TMCO4: variants seen among roughly 807,000 people sequenced by gnomAD.
TMCO4 encodes the protein transmembrane and coiled-coil domains 4.
TMCO4 carries 58 observed loss-of-function variants against 64.7 expected under a neutral mutation model. The ratio of observed to expected loss-of-function variants is 0.90; its 90% CI spans 0.73 to 1.12. The LOEUF is 1.12. TMCO4 is among the 50% of genes most tolerant of loss of function. The pLI is 0.00. For missense variants in TMCO4, 780 were observed against 825.9 expected (o/e 0.94, Z 0.68); for synonymous variants, 325 against 346.1 (o/e 0.94, Z 0.68).
chr1:19,766,926 T>C (rs1004018098), intron 6 of TMCO4, among the ~76,000 whole-genome samples: 2 of 152,178 alleles, frequency 1.3e-5, no homozygotes, highest in African/African-American at 2.4e-5. Context: ...CTCTGATCTC[T>C]GGGGACCTTT....
chr1:19,707,899 A>G (rs1461502385), intron 13 of TMCO4, among the ~76,000 whole-genome samples: 1 of 152,156 alleles, frequency 6.6e-6, no homozygotes, highest in African/African-American at 2.4e-5. Context: ...GAGAGAGTGA[A>G]GGGGAAGTGT....
chr1:19,724,279 T>A (rs138787142), intron 13 of TMCO4, among the ~76,000 whole-genome samples: 3,373 of 152,144 alleles, frequency 0.022, 85 homozygotes, highest in Admixed American at 0.072. Flanking sequence ...TTGTTGGGAG[T>A]CTACTATGTG....
At chr1:19,700,738 C>T in intron 14 of TMCO4, 30 bp downstream of exon 14, 1 of 1,584,558 alleles carries the variant, frequency 6.3e-7, no homozygotes, top group Non-Finnish European at 8.7e-7. Context: ...AGCATTGTCA[C>T]TTCCCCGCTG....
At chr1:19,772,888 TG>T (rs2043046911) in intron 4 of TMCO4, among the ~76,000 whole-genome samples, 1 of 152,036 alleles carries the variant, frequency 6.6e-6, no homozygotes, top group Non-Finnish European at 1.5e-5. Flanking sequence ...GTGAGGAACT[TG>T]GGTTTAAATC....
At chr1:19,685,868 G>A (rs998246335) in intron 15 of TMCO4, among the ~76,000 whole-genome samples, 4 of 151,986 alleles carry the variant, frequency 2.6e-5, no homozygotes, top group South Asian at 4.2e-4. Context: ...CATCTGCCAC[G>A]GTGCCCGCTA....
chr1:19,711,926 G>A (rs1201039978), intron 13 of TMCO4, among the ~76,000 whole-genome samples: 1 of 152,112 alleles, frequency 6.6e-6, no homozygotes, highest in Non-Finnish European at 1.5e-5. Flanking sequence ...AAAAGTCCTG[G>A]GATTACAGGC....
intron 13 of TMCO4, among the ~76,000 whole-genome samples, chr1:19,707,799 C>T (rs1404283977): frequency 6.6e-6 from 1 of 152,170 alleles, no homozygotes; most frequent in South Asian, 2.1e-4. Context: ...ACAGGCTTAA[C>T]AGGAAGCATG....
At chr1:19,685,673 A>C (rs911047366) in intron 15 of TMCO4, among the ~76,000 whole-genome samples, 1 of 150,526 alleles carries the variant, frequency 6.6e-6, no homozygotes, top group Non-Finnish European at 1.5e-5. Flanking sequence ...ACACAGCTAG[A>C]ACTTGGCAGG....
chr1:19,731,897 C>T (rs1265763132), intron 13 of TMCO4, among the ~76,000 whole-genome samples: 1 of 152,148 alleles, frequency 6.6e-6, no homozygotes, highest in Non-Finnish European at 1.5e-5. Context: ...TTCCAACTCC[C>T]CATTTCTATG....
At chr1:19,739,454 G>A (rs1249313781) in intron 12 of TMCO4, among the ~76,000 whole-genome samples, 10 of 152,142 alleles carry the variant, frequency 6.6e-5, no homozygotes, top group South Asian at 4.1e-4. Flanking sequence ...TGCAAACTGC[G>A]TCAGAGGTTT....
At chr1:19,692,526 T>C (rs533096184) in intron 15 of TMCO4, among the ~76,000 whole-genome samples, 1 of 150,100 alleles carries the variant, frequency 6.7e-6, no homozygotes, top group East Asian at 2.0e-4. Flanking sequence ...GGTCAGGAGT[T>C]TGAGAACAGC....
At position 19,740,949 on chromosome 1, in the gene TMCO4, G is replaced by A; in HGVS notation, c.878-8C>T. 1.3e-6 allele frequency: 2 copies of A among 1,592,480 alleles called. No homozygotes were observed. The highest frequency in any genetic ancestry group is 1.1e-5 in the South Asian group (1 of 88,364). ...ACGGGGCACTGAAGGTGCCTGGGGAGATCACAGGTAGGTGAAGTCTCTCTT... is the reference window on the plus strand; with the variant it reads ...ACGGGGCACTGAAGGTGCCTGGGGAAATCACAGGTAGGTGAAGTCTCTCTT... On this transcript the variant is annotated splice_polypyrimidine_tract_variant and splice_region_variant and intron_variant, in intron 10 of 15. Transcript: ENST00000294543.
At chr1:19,738,391 G>C (rs2095465052) in intron 12 of TMCO4, 1 of 152,290 alleles carries the variant, frequency 6.6e-6, no homozygotes, top group Non-Finnish European at 1.5e-5. Flanking sequence ...TCCGTAGCTT[G>C]AGGTGGCCAC....
intron 7 of TMCO4, among the ~76,000 whole-genome samples, chr1:19,755,033 G>A (rs1407905118): frequency 6.6e-6 from 1 of 152,194 alleles, no homozygotes; most frequent in East Asian, 1.9e-4. Context: ...TGAACCAGGT[G>A]TCATAAGAGC....
intron 14 of TMCO4, among the ~76,000 whole-genome samples, chr1:19,698,035 G>T (rs1391338874): frequency 6.6e-6 from 1 of 152,164 alleles, no homozygotes; most frequent in Non-Finnish European, 1.5e-5. Flanking sequence ...CCTGAGGGCA[G>T]GTCTGTGCCT....
At chr1:19,750,659 C>T (rs779133526) in intron 7 of TMCO4, among the ~76,000 whole-genome samples, 68 of 152,190 alleles carry the variant, frequency 4.5e-4, no homozygotes, top group Non-Finnish European at 8.2e-4. Context: ...GTCCTGATCC[C>T]TCTCTCCCCC....
intron 15 of TMCO4, among the ~76,000 whole-genome samples, chr1:19,690,638 A>G (rs1269481425): frequency 6.6e-6 from 1 of 152,068 alleles, no homozygotes; most frequent in Non-Finnish European, 1.5e-5. Context: ...CTGAGAGAAA[A>G]TTCCTGTCAC....
At chr1:19,755,863 C>G (rs1313437444) in intron 6 of TMCO4, 97 bp from the exon 7 acceptor site, 7 of 1,436,550 alleles carry the variant, frequency 4.9e-6, no homozygotes. Context: ...TAGAAACAGC[C>G]TAAATGTACA....
chr1:19,690,127 G>A lies in TMCO4; in HGVS notation c.1500+4307C>T, dbSNP rs1297487735. Among the ~76,000 whole-genome samples, 7 of 152,192 alleles carry A rather than the reference G, an allele frequency of 4.6e-5. No individual in the cohort carries two copies. The East Asian group carries it at 1.3e-3, about 29-fold the overall frequency. On this transcript the variant is annotated intron_variant, in intron 15 of 15. Transcript: ENST00000294543. ...GGAACCATCCACTCATCCCCTCTCT[G>A]CAAAAAGCTGTTTCATCACTCAATA...
Sources: gnomAD v4.1 joint callset for allele counts (sites outside exome capture counted in the v4.1 genomes callset) on GRCh38, gnomAD v4.1.1 for gene constraint, MANE v1.5 for transcripts, NCBI Gene and HGNC (gene_info 2026-07-23, HGNC 2026-07-21) for gene names.